GALNTL6: variants seen among roughly 807,000 people sequenced by gnomAD.
GALNTL6 encodes polypeptide N-acetylgalactosaminyltransferase-like 6.
Under a neutral mutation model 73.7 loss-of-function variants are expected in GALNTL6, and 46 were observed. That is an observed-to-expected ratio of 0.62 (90% CI 0.49 to 0.80). The LOEUF (loss-of-function observed/expected upper bound fraction) is 0.80, where lower values mean the gene tolerates loss of function less well. Ranked by LOEUF, GALNTL6 falls within the 30% of genes least tolerant of loss-of-function variation. The probability of loss-of-function intolerance (pLI) is 0.00; values close to 1 mark genes in which losing one functional copy is unlikely to be tolerated. For missense variants in GALNTL6, 604 were observed against 755.0 expected (o/e 0.80, Z 2.34); for synonymous variants, 259 against 263.7 (o/e 0.98, Z 0.17).
At chr4:172,625,448 C>T (rs555262912) in intron 5 of GALNTL6, among the ~76,000 whole-genome samples, 19 of 152,050 alleles carry the variant, frequency 1.2e-4, no homozygotes, top group South Asian at 4.1e-4. Flanking sequence ...GTTGATTCTA[C>T]GTGTCTTTGC....
At chr4:172,036,553 A>G (rs2110831110) in intron 2 of GALNTL6, among the ~76,000 whole-genome samples, 1 of 152,286 alleles carries the variant, frequency 6.6e-6, no homozygotes, top group Non-Finnish European at 1.5e-5. Context: ...CTGTTCGTAC[A>G]TGCCAGTAAC....
At chr4:172,745,966 A>G (rs1737087188) in intron 5 of GALNTL6, among the ~76,000 whole-genome samples, 1 of 152,098 alleles carries the variant, frequency 6.6e-6, no homozygotes, top group African/African-American at 2.4e-5. Context: ...TTTAAATGTT[A>G]TTACTGCTGC....
chr4:172,377,668 C>G (rs1220140191), intron 5 of GALNTL6, among the ~76,000 whole-genome samples: 1 of 152,150 alleles, frequency 6.6e-6, no homozygotes, highest in Non-Finnish European at 1.5e-5. Flanking sequence ...CTGCAGGTCC[C>G]AAGCCCTGCC....
At chr4:172,532,163 C>T (rs575268309) in intron 5 of GALNTL6, among the ~76,000 whole-genome samples, 14 of 152,198 alleles carry the variant, frequency 9.2e-5, no homozygotes, top group Non-Finnish European at 1.8e-4. Flanking sequence ...ACCCAGTACT[C>T]GTGAATGTAA....
intron 2 of GALNTL6, among the ~76,000 whole-genome samples, chr4:171,909,176 GAAAAAA>G (rs5864097): frequency 1.2e-4 from 17 of 136,036 alleles, no homozygotes; most frequent in Admixed American, 6.7e-4. Context: ...AAAGAAAAAA[GAAAAAA>G]AAAAAAGAAA....
intron 3 of GALNTL6, among the ~76,000 whole-genome samples, chr4:172,258,946 A>G (rs562196292): frequency 1.4e-4 from 21 of 151,402 alleles, no homozygotes; most frequent in Non-Finnish European, 3.1e-4. Flanking sequence ...TTATGACTGA[A>G]TAGTATTCCA....
intron 5 of GALNTL6, among the ~76,000 whole-genome samples, chr4:172,803,519 T>G (rs1239697564): frequency 1.3e-5 from 2 of 152,180 alleles, no homozygotes; most frequent in African/African-American, 2.4e-5. Flanking sequence ...GGACCACTTA[T>G]CTAAAGAAAT....
In GALNTL6 at chr4:172,952,026, C is replaced by A; in HGVS notation, c.1150-11C>A. On this transcript the variant is annotated splice_polypyrimidine_tract_variant and intron_variant, in intron 9 of 12. Coordinates refer to ENST00000506823, the MANE Select transcript of GALNTL6 (RefSeq NM_001034845.3). ...ACCAATAAATGACATTTTTGTTTTC[C>A]TGCTGCACAGAACCTGAAGCGGGTA... 1 of 1,591,968 alleles carries A rather than the reference C, an allele frequency of 6.3e-7. No homozygotes were observed. Among genetic ancestry groups the A allele is most frequent in the South Asian group, 1.1e-5 (1 of 88,788 alleles).
chr4:172,683,157 G>A (rs1732723571), intron 5 of GALNTL6, among the ~76,000 whole-genome samples: 1 of 152,162 alleles, frequency 6.6e-6, no homozygotes, highest in African/African-American at 2.4e-5. Context: ...CTAATCCACA[G>A]CAAAACACCC....
rs148733918 is a variant in GALNTL6, at chr4:171,867,085, G to T, written c.138+52367G>T. ...AATATATAAAATATGATAAGTTTAGGAGAAAATATATAGACCCTAGATGAT... is the reference window on the plus strand; with the variant it reads ...AATATATAAAATATGATAAGTTTAGTAGAAAATATATAGACCCTAGATGAT... On this transcript the variant is annotated intron_variant, in intron 2 of 12. Transcript: ENST00000506823. Among the ~76,000 whole-genome samples the T allele has an allele frequency of 7.7e-3, 1,166 of 151,972 alleles. 17 individuals carry two copies. Among genetic ancestry groups the T allele is most frequent in the African/African-American group, 0.027 (1,104 of 41,478 alleles).
intron 5 of GALNTL6, among the ~76,000 whole-genome samples, chr4:172,642,223 T>G (rs1740019117): frequency 6.6e-6 from 1 of 151,952 alleles, no homozygotes; most frequent in African/African-American, 2.4e-5. Flanking sequence ...ATTGCAACAC[T>G]GGGTATATAT....
intron 2 of GALNTL6, among the ~76,000 whole-genome samples, chr4:172,017,788 G>T (rs1166096613): frequency 1.3e-5 from 2 of 152,060 alleles, no homozygotes; most frequent in Non-Finnish European, 2.9e-5. Context: ...TCTGGATCTA[G>T]CCACGCATTG....
chr4:172,941,672 G>T (rs1352694935), intron 9 of GALNTL6, among the ~76,000 whole-genome samples: 1 of 152,156 alleles, frequency 6.6e-6, no homozygotes. Context: ...GAGAATGCTG[G>T]CTCCGACAAA....
intron 5 of GALNTL6, among the ~76,000 whole-genome samples, chr4:172,489,291 C>T (rs1733812938): frequency 6.6e-6 from 1 of 152,042 alleles, no homozygotes; most frequent in Non-Finnish European, 1.5e-5. Context: ...CACACACGCT[C>T]AGATATATGA....
chr4:172,966,390 G>T (rs555982864), intron 10 of GALNTL6, among the ~76,000 whole-genome samples: 134 of 151,434 alleles, frequency 8.8e-4, no homozygotes, highest in Non-Finnish European at 1.5e-3. Context: ...TTTAAAACAG[G>T]GAGTCGATCT....
chr4:172,251,817 CA>C (rs1361993002), intron 3 of GALNTL6, among the ~76,000 whole-genome samples: 2 of 152,026 alleles, frequency 1.3e-5, no homozygotes, highest in Non-Finnish European at 2.9e-5. Context: ...CCTGGTGAAA[CA>C]GAACTTCAGG....
chr4:172,272,620 T>G (rs13111491), intron 3 of GALNTL6, among the ~76,000 whole-genome samples: 117 of 152,328 alleles, frequency 7.7e-4, no homozygotes, highest in African/African-American at 2.6e-3. Flanking sequence ...TGGTTTGTGG[T>G]GTATGACTGC....
chr4:172,702,944 A>G (rs1184470044), intron 5 of GALNTL6, among the ~76,000 whole-genome samples: 2 of 151,888 alleles, frequency 1.3e-5, no homozygotes, highest in African/African-American at 2.4e-5. Context: ...AAGTTTTTCT[A>G]TCATTTCTAG....
At chr4:172,896,075 C>A (rs1483557044) in intron 8 of GALNTL6, among the ~76,000 whole-genome samples, 2 of 152,106 alleles carry the variant, frequency 1.3e-5, no homozygotes, top group Non-Finnish European at 2.9e-5. Context: ...ATTTTGAATT[C>A]TTTGTCTGAG....
Sources: allele counts gnomAD v4.1 joint callset (sites outside exome capture counted in the v4.1 genomes callset), GRCh38; gene constraint gnomAD v4.1.1; transcripts MANE v1.5; gene names NCBI Gene and HGNC (gene_info 2026-07-23, HGNC 2026-07-21).